EXOC2: variants seen among roughly 807,000 people sequenced by gnomAD.
EXOC2 encodes SEC5-like 1.
EXOC2 carries 70 observed loss-of-function variants against 131.8 expected under a neutral mutation model. That is an observed-to-expected ratio of 0.53 (90% confidence interval 0.44 to 0.65). EXOC2 has a LOEUF of 0.65. Ranked by LOEUF, EXOC2 falls within the 30% of genes least tolerant of loss-of-function variation. EXOC2 has a pLI of 0.00. For synonymous variants in EXOC2, 411 were observed against 398.4 expected, an observed-to-expected ratio of 1.03 and a Z score of -0.38; for missense variants, 923 against 1,108.6, an observed-to-expected ratio of 0.83 and a Z score of 2.38.
chr6:691,410 G>A (rs886772958), intron 1 of EXOC2, among the ~76,000 whole-genome samples: 1 of 152,078 alleles, frequency 6.6e-6, no homozygotes, highest in Non-Finnish European at 1.5e-5. Flanking sequence ...CCATTCCTGA[G>A]AAAATCCCTC....
chr6:597,104 C>T lies in EXOC2; in HGVS notation c.1073+917G>A, dbSNP rs189433972. On this transcript the variant is annotated intron_variant, in intron 10 of 27. Coordinates refer to ENST00000230449, the MANE Select transcript of EXOC2 (RefSeq NM_018303.6). ...GTTGCCCAAAGTTAACAGCTAGTTC[C>T]CATTATGTGATACTGTTTCTCTCTA... is the stretch of plus-strand genomic sequence containing the variant. 1.7e-3 allele frequency among the ~76,000 whole-genome samples: 264 copies of T among 152,258 alleles called. 1 individual carries two copies. The highest frequency in any genetic ancestry group is 3.5e-3 in the Admixed American group (54 of 15,302).
At chr6:588,518 C>T (rs1489121487) in intron 11 of EXOC2, among the ~76,000 whole-genome samples, 7 of 152,140 alleles carry the variant, frequency 4.6e-5, no homozygotes, top group South Asian at 2.1e-4. Flanking sequence ...CCATACCTGG[C>T]TAATTTTTGT....
In EXOC2 at chr6:504,918, C is replaced by T. The variant is rs371047896; in HGVS notation, c.2381-5218G>A. 2.6e-5 allele frequency among the ~76,000 whole-genome samples: 4 copies of T among 152,248 alleles called. No homozygotes were observed. The East Asian group carries it at 5.8e-4, about 22-fold the overall frequency. On this transcript the variant is annotated intron_variant, in intron 23 of 27. Coordinates refer to ENST00000230449, the MANE Select transcript of EXOC2 (RefSeq NM_018303.6). ...CAATTCTAAAGTAGTACACATATTTCAGGTGTTAATTTAAAATTAAAGACA... is the reference window on the plus strand; with the variant it reads ...CAATTCTAAAGTAGTACACATATTTTAGGTGTTAATTTAAAATTAAAGACA...
chr6:547,004 A>G (rs1302311223), intron 22 of EXOC2, among the ~76,000 whole-genome samples: 1 of 152,200 alleles, frequency 6.6e-6, no homozygotes, highest in Non-Finnish European at 1.5e-5. Flanking sequence ...TAGAATGAGA[A>G]AATGTAATTT....
At chr6:629,355 T>G (rs891545573) in intron 4 of EXOC2, among the ~76,000 whole-genome samples, 21 of 152,232 alleles carry the variant, frequency 1.4e-4, no homozygotes, top group Admixed American at 2.6e-4. Flanking sequence ...TAAGGCATCT[T>G]GAAAGATATC....
At chr6:610,242 A>G in intron 6 of EXOC2, 64 bp from the exon 7 acceptor site, 1 of 1,356,850 alleles carries the variant, frequency 7.4e-7, no homozygotes, top group Non-Finnish European at 1.0e-6. Flanking sequence ...TTAAATCAAA[A>G]TGATATTTTT....
intron 13 of EXOC2, among the ~76,000 whole-genome samples, chr6:567,348 G>A (rs1758021702): frequency 6.6e-6 from 1 of 152,140 alleles, no homozygotes; most frequent in African/African-American, 2.4e-5. Flanking sequence ...CTTCTCTTGT[G>A]CCATGTGTCA....
Position 497,402 on chromosome 6 carries a change from A to C in EXOC2, c.2524T>G (p.Cys842Gly), listed in dbSNP as rs1763803032. 6.2e-7 allele frequency: 1 copy of C among 1,613,950 alleles called. No individual in the cohort carries two copies. The highest frequency in any genetic ancestry group is 1.7e-5 in the Admixed American group (1 of 60,002). The change falls in exon 25 of 28, where the codon TGT (cysteine) becomes GGT (glycine). Residue 842 changes from cysteine (C) to glycine (G), a missense_variant. Physicochemically the swap from Cys to Gly is radical, Grantham distance 159. Coordinates refer to ENST00000230449, the MANE Select transcript of EXOC2 (RefSeq NM_018303.6). The part of the protein sequence containing the change: ...VSEELSRLMQ[C>G]VSSFSKNGAL... ...CCATTTTTGCTGAAGGATGAAACACACTGCATCAGTCGACTGAGCTCTTCA... is the reference window on the plus strand; with the variant it reads ...CCATTTTTGCTGAAGGATGAAACACCCTGCATCAGTCGACTGAGCTCTTCA...
chr6:489,614 G>A (rs1348005152), intron 26 of EXOC2, among the ~76,000 whole-genome samples: 1 of 152,194 alleles, frequency 6.6e-6, no homozygotes, highest in Non-Finnish European at 1.5e-5. Flanking sequence ...ACTGTGGGAT[G>A]TTTAGCTTTT....
chr6:620,295 G>A (rs1460600290), intron 4 of EXOC2, among the ~76,000 whole-genome samples: 2 of 152,172 alleles, frequency 1.3e-5, no homozygotes, highest in African/African-American at 4.8e-5. Flanking sequence ...CCATTTGCAG[G>A]ATGAAATCCA....
At chr6:503,407 G>C (rs1186737530) in intron 23 of EXOC2, among the ~76,000 whole-genome samples, 1 of 152,126 alleles carries the variant, frequency 6.6e-6, no homozygotes, top group African/African-American at 2.4e-5. Flanking sequence ...ATATATGCAG[G>C]ATGGCCATAT....
chr6:561,387 G>T (rs751961479), intron 17 of EXOC2, among the ~76,000 whole-genome samples: 1 of 152,194 alleles, frequency 6.6e-6, no homozygotes, highest in Non-Finnish European at 1.5e-5. Context: ...CTTGGTATAT[G>T]AAGGGATCTG....
At chr6:586,202 G>A (rs892184496) in intron 11 of EXOC2, among the ~76,000 whole-genome samples, 3 of 152,200 alleles carry the variant, frequency 2.0e-5, no homozygotes, top group Admixed American at 6.5e-5. Context: ...CTGTCACCGA[G>A]CCCCGGGCAT....
intron 26 of EXOC2, among the ~76,000 whole-genome samples, chr6:489,668 C>T (rs1763305588): frequency 2.0e-5 from 3 of 152,170 alleles, no homozygotes; most frequent in Admixed American, 2.0e-4. Context: ...AAATGAAAAG[C>T]ATCATAGGGG....
In EXOC2 at chr6:677,162, A is replaced by T. The variant is rs9504729; in HGVS notation, c.-44+15857T>A. ...TTACGGAAAGGACAGCTTTCTCTGG[A>T]GACTGCGGTTCCCCATACTCTTCAG... On this transcript the variant is annotated intron_variant, in intron 1 of 27. Transcript: ENST00000230449. Among the ~76,000 whole-genome samples the T allele has an allele frequency of 2.6e-4, 21 of 79,476 alleles. 1 individual carries two copies. The highest frequency in any genetic ancestry group is 4.8e-4 in the South Asian group (1 of 2,064). 52.1% of individuals were successfully genotyped at this position (79,476 alleles called of 152,430 possible). A position where few individuals can be genotyped will look rare whatever the true frequency, so the allele number is the denominator to read the frequency against.
intron 13 of EXOC2, among the ~76,000 whole-genome samples, chr6:570,137 T>TC (rs1491366490): frequency 0.014 from 9 of 634 alleles, no homozygotes; most frequent in African/African-American, 0.075. Context: ...ATTCTTTCTC[T>TC]TTTTTTTTTT....
chr6:517,309 G>A (rs1765214259), intron 23 of EXOC2, among the ~76,000 whole-genome samples: 1 of 152,132 alleles, frequency 6.6e-6, no homozygotes, highest in Non-Finnish European at 1.5e-5. Context: ...GGGCCCACCT[G>A]AAGAGACTCC....
Position 592,489 on chromosome 6 carries a change from C to T in EXOC2, c.1172G>A (p.Gly391Asp). 6.2e-7 allele frequency: 1 copy of T among 1,613,866 alleles called. No individual in the cohort carries two copies. Among genetic ancestry groups the T allele is most frequent in the Non-Finnish European group, 8.5e-7 (1 of 1,179,854 alleles). ...CTTGCCTTTCAGATCTTTCACGTAG[C>T]CCTCTTTGCAACTGTGCATGAGCTG... is the stretch of plus-strand genomic sequence containing the variant. ...ILQLMHSCKE[G>D]YVKDLKGNPG... The change falls in exon 11 of 28, where the codon GGC (glycine) becomes GAC (aspartate). Residue 391 changes from glycine (G) to aspartate (D), a missense_variant. Physicochemically the swap from Gly to Asp is moderately conservative, Grantham distance 94. Coordinates refer to ENST00000230449, the MANE Select transcript of EXOC2 (RefSeq NM_018303.6).
At chr6:668,362 C>T (rs1421789280) in intron 1 of EXOC2, among the ~76,000 whole-genome samples, 2 of 152,176 alleles carry the variant, frequency 1.3e-5, no homozygotes, top group Admixed American at 1.3e-4. Context: ...CTCCAGCATT[C>T]CAGAACTTAA....
Sources: allele counts gnomAD v4.1 joint callset (sites outside exome capture counted in the v4.1 genomes callset), GRCh38; gene constraint gnomAD v4.1.1; transcripts MANE v1.5; gene names NCBI Gene and HGNC (gene_info 2026-07-23, HGNC 2026-07-21).